RAD50: variants seen among roughly 807,000 people sequenced by gnomAD.
RAD50 encodes the protein DNA repair protein RAD50.
RAD50 carries 132 observed loss-of-function variants against 168.8 expected under a neutral mutation model. That is an observed-to-expected ratio of 0.78 (90% CI 0.68 to 0.90). The LOEUF is 0.90. Ranked by LOEUF, RAD50 falls within the 40% of genes least tolerant of loss-of-function variation. The pLI is 0.00. For missense variants in RAD50, 1,347 were observed against 1,534.4 expected (o/e 0.88, Z 2.04); for synonymous variants, 525 against 497.4 (o/e 1.06, Z -0.74).
chr5:132,579,994 A>G lies in RAD50; in HGVS notation c.684A>G (p.Thr228=). ...EKACEIRDQI[T]SKEAQLTSSK... is the part of the protein sequence containing the mutation. Reference sequence around the variant, plus strand: ...CTTGTGAGATTCGTGATCAGATTACAAGTAAGGAAGCCCAGTTAACATCTT... The same window carrying G: ...CTTGTGAGATTCGTGATCAGATTACGAGTAAGGAAGCCCAGTTAACATCTT... The change falls in exon 5 of 25, where the codon ACA becomes ACG. Residue 228 remains threonine (T), a synonymous_variant. Coordinates refer to ENST00000378823, the MANE Select transcript of RAD50 (RefSeq NM_005732.4). The G allele has an allele frequency of 6.2e-7, 1 of 1,613,436 alleles. No individual in the cohort carries two copies. Among genetic ancestry groups the G allele is most frequent in the Non-Finnish European group, 8.5e-7 (1 of 1,179,442 alleles).
At chr5:132,631,352 T>G (rs1454468209) in intron 21 of RAD50, among the ~76,000 whole-genome samples, 1 of 152,184 alleles carries the variant, frequency 6.6e-6, no homozygotes, top group Non-Finnish European at 1.5e-5. Flanking sequence ...ACATCTGACC[T>G]CAAGTGATTT....
intron 17 of RAD50, 109 bp from the exon 18 acceptor site, chr5:132,609,008 G>A: frequency 6.8e-7 from 1 of 1,474,704 alleles, no homozygotes; most frequent in Non-Finnish European, 9.1e-7. Context: ...CAGTAGTGGT[G>A]GAAACTGGAA....
At chr5:132,582,816 C>T (rs1269681259) in intron 5 of RAD50, among the ~76,000 whole-genome samples, 1 of 152,088 alleles carries the variant, frequency 6.6e-6, no homozygotes, top group Non-Finnish European at 1.5e-5. Context: ...TGTCTGCCTG[C>T]TTGTCCTAGC....
chr5:132,618,970 A>G (rs1751226948), intron 21 of RAD50, among the ~76,000 whole-genome samples: 2 of 152,128 alleles, frequency 1.3e-5, no homozygotes, highest in Non-Finnish European at 1.5e-5. Flanking sequence ...TTTATCATAT[A>G]TATGTCATAT....
chr5:132,591,146 T>A, intron 9 of RAD50, 78 bp from the exon 10 acceptor site: 1 of 1,425,908 alleles, frequency 7.0e-7, no homozygotes. Context: ...AGTAGTTAAT[T>A]TCTAATACAC....
intron 21 of RAD50, among the ~76,000 whole-genome samples, chr5:132,627,409 TTAA>T (rs1342202341): frequency 2.0e-5 from 3 of 152,116 alleles, no homozygotes; most frequent in Admixed American, 6.6e-5. Context: ...AAGAAATAAA[TTAA>T]TAACAAAATG....
chr5:132,597,185 T>G (rs1236790403), intron 13 of RAD50, among the ~76,000 whole-genome samples: 1 of 151,824 alleles, frequency 6.6e-6, no homozygotes, highest in Non-Finnish European at 1.5e-5. Flanking sequence ...AGAGTGAAAG[T>G]GATTGTCCTG....
intron 23 of RAD50, among the ~76,000 whole-genome samples, chr5:132,639,071 A>G (rs939920712): frequency 7.9e-5 from 12 of 152,306 alleles, no homozygotes; most frequent in African/African-American, 2.9e-4. Context: ...AGAACATGCC[A>G]TGCAGCTGGG....
intron 21 of RAD50, among the ~76,000 whole-genome samples, chr5:132,619,874 A>C (rs1440174530): frequency 9.1e-6 from 1 of 110,382 alleles, no homozygotes; most frequent in South Asian, 2.9e-4. Flanking sequence ...ATATAAAGAT[A>C]TATATATATA....
intron 23 of RAD50, among the ~76,000 whole-genome samples, chr5:132,638,455 A>T (rs1750421395): frequency 6.6e-6 from 1 of 151,842 alleles, no homozygotes; most frequent in Non-Finnish European, 1.5e-5. Flanking sequence ...TTCTCACAGG[A>T]TAGGCTAAAT....
chr5:132,617,795 G>A (rs1213850009), intron 20 of RAD50, among the ~76,000 whole-genome samples: 2 of 152,130 alleles, frequency 1.3e-5, no homozygotes, highest in Non-Finnish European at 2.9e-5. Flanking sequence ...AGCGTCTAAA[G>A]GCCAGGAACT....
chr5:132,589,862 A>G (rs1750668074), intron 9 of RAD50, 25 bp downstream of exon 9: 1 of 1,565,662 alleles, frequency 6.4e-7, no homozygotes, highest in South Asian at 1.1e-5. Flanking sequence ...GAATAATCTA[A>G]TAATTTTAAG....
chr5:132,610,603 G>A (rs1262511349), intron 19 of RAD50, among the ~76,000 whole-genome samples: 1 of 152,046 alleles, frequency 6.6e-6, no homozygotes, highest in African/African-American at 2.4e-5. Flanking sequence ...TGGAAGATTA[G>A]TTACATTAGT....
intron 19 of RAD50, 32 bp downstream of exon 19, chr5:132,609,428 AC>A: frequency 6.2e-7 from 1 of 1,611,018 alleles, no homozygotes; most frequent in South Asian, 1.1e-5. Context: ...TATCACTTAC[AC>A]CTATGACATT....
intron 16 of RAD50, among the ~76,000 whole-genome samples, chr5:132,608,350 CTG>C (rs977840815): frequency 6.6e-6 from 1 of 152,142 alleles, no homozygotes; most frequent in African/African-American, 2.4e-5. Context: ...AGCGTGAACT[CTG>C]GAGCTGGACT....
At chr5:132,614,469 C>T (rs1751140383) in intron 19 of RAD50, among the ~76,000 whole-genome samples, 1 of 151,448 alleles carries the variant, frequency 6.6e-6, no homozygotes, top group Non-Finnish European at 1.5e-5. Context: ...TCAGTTGTCT[C>T]GGTATCTCTG....
chr5:132,558,571 C>T (rs1280719465), intron 1 of RAD50, among the ~76,000 whole-genome samples: 5 of 151,976 alleles, frequency 3.3e-5, no homozygotes, highest in East Asian at 1.9e-4. Context: ...ATTAGCCAGG[C>T]GTGGTGGCGC....
rs1413745106 is a variant in RAD50, at chr5:132,575,806, G to T, written c.243G>T (p.Gln81His). The change falls in exon 3 of 25, where the codon CAG becomes CAT. Residue 81 changes from glutamine to histidine, a missense_variant. This residue lies in a region of RAD50 where 703 missense variants were observed against 767.7 expected (regional missense o/e 0.92). Transcript: ENST00000378823. ...CTCAAGAAACAGATGTGAGAGCCCA[G>T]ATTCGTCTGCAATTTCGTGATGTCA... ...KVAQETDVRA[Q>H]IRLQFRDVNG... The T allele has an allele frequency of 6.2e-7, 1 of 1,601,168 alleles. No individual in the cohort carries two copies. The highest frequency in any genetic ancestry group is 1.1e-5 in the South Asian group (1 of 90,780).
intron 11 of RAD50, chr5:132,593,246 G>T: frequency 5.8e-6 from 1 of 173,436 alleles, no homozygotes; most frequent in Non-Finnish European, 1.3e-5. Flanking sequence ...TCTTGCTTCA[G>T]TTTAATTGGG....
Sources: gnomAD v4.1 joint callset for allele counts (sites outside exome capture counted in the v4.1 genomes callset) on GRCh38, gnomAD v4.1.1 for gene constraint, gnomAD v4.1.1 regional missense constraint, MANE v1.5 for transcripts, NCBI Gene and HGNC (gene_info 2026-07-23, HGNC 2026-07-21) for gene names.